CSMD1: variants seen among roughly 807,000 people sequenced by gnomAD.
CSMD1 encodes CUB and sushi domain-containing protein 1.
CSMD1 carries 213 observed loss-of-function variants against 417.5 expected under a neutral mutation model. The observed-to-expected ratio is 0.51, with a 90% CI of 0.46 to 0.57. The LOEUF is 0.57. Among genes scored for constraint, CSMD1 ranks in the 20% least tolerant of loss-of-function variants. The probability of loss-of-function intolerance (pLI) is 0.00; values close to 1 mark genes in which losing one functional copy is unlikely to be tolerated. For missense variants in CSMD1, 6,923 were observed against 4,529.7 expected, an observed-to-expected ratio of 1.53 and a Z score of -15.17; for synonymous variants, 2,862 against 1,736.8, an observed-to-expected ratio of 1.65 and a Z score of -16.11.
At chr8:3,168,697 T>G (rs1243367278) in intron 37 of CSMD1, among the ~76,000 whole-genome samples, 1 of 152,006 alleles carries the variant, frequency 6.6e-6, no homozygotes, top group Non-Finnish European at 1.5e-5. Context: ...CATAGTACCT[T>G]ATGAAAAGAA....
At chr8:4,788,379 T>C (rs1797521040) in intron 1 of CSMD1, 7 of 1,422,428 alleles carry the variant, frequency 4.9e-6, no homozygotes, top group Non-Finnish European at 2.9e-6. Flanking sequence ...CACACCAGAC[T>C]GGGGAGCTCA....
At chr8:4,154,258 C>T (rs947396031) in intron 3 of CSMD1, among the ~76,000 whole-genome samples, 1 of 148,624 alleles carries the variant, frequency 6.7e-6, no homozygotes, top group Admixed American at 6.8e-5. Context: ...TTCTGGCAAA[C>T]AGTAATGCTA....
chr8:3,943,667 G>C (rs1393901841), intron 5 of CSMD1, among the ~76,000 whole-genome samples: 1 of 151,986 alleles, frequency 6.6e-6, no homozygotes, highest in East Asian at 1.9e-4. Flanking sequence ...AGTCAACAGG[G>C]GTCCCCTGCT....
intron 25 of CSMD1, among the ~76,000 whole-genome samples, chr8:3,306,523 G>C (rs1804860350): frequency 6.6e-6 from 1 of 152,178 alleles, no homozygotes; most frequent in South Asian, 2.1e-4. Flanking sequence ...AGCTGAAGCA[G>C]CTGGGCTGAT....
chr8:4,073,666 T>C (rs1799675304), intron 3 of CSMD1, among the ~76,000 whole-genome samples: 1 of 152,166 alleles, frequency 6.6e-6, no homozygotes, highest in African/African-American at 2.4e-5. Context: ...CTCTGAAGTA[T>C]AGTTATATTT....
chr8:3,803,110 A>G (rs1800546890), intron 5 of CSMD1, among the ~76,000 whole-genome samples: 1 of 152,208 alleles, frequency 6.6e-6, no homozygotes. Context: ...TGTTCTCTCC[A>G]TCATGCTGTC....
At chr8:3,463,597 C>G (rs989468883) in intron 12 of CSMD1, among the ~76,000 whole-genome samples, 2 of 152,190 alleles carry the variant, frequency 1.3e-5, no homozygotes, top group African/African-American at 4.8e-5. Context: ...GGCATGAGCT[C>G]ACTTTCTACA....
intron 1 of CSMD1, among the ~76,000 whole-genome samples, chr8:4,803,090 T>C (rs1035332646): frequency 2.6e-5 from 4 of 152,222 alleles, no homozygotes; most frequent in Admixed American, 6.5e-5. Flanking sequence ...AAAAGTACAA[T>C]TGCTTAGTCT....
intron 4 of CSMD1, among the ~76,000 whole-genome samples, chr8:4,024,863 T>C (rs1796981830): frequency 2.0e-5 from 3 of 152,156 alleles, no homozygotes; most frequent in Admixed American, 2.0e-4. Flanking sequence ...ATTGTTTTCT[T>C]AAGTAAGGTT....
intron 3 of CSMD1, among the ~76,000 whole-genome samples, chr8:4,104,952 C>G (rs1340837480): frequency 2.6e-5 from 4 of 151,928 alleles, no homozygotes; most frequent in Admixed American, 2.0e-4. Flanking sequence ...TGCTTGCTCA[C>G]AGCCACTGCC....
At chr8:3,872,074 G>A (rs187455550) in intron 5 of CSMD1, among the ~76,000 whole-genome samples, 2 of 152,304 alleles carry the variant, frequency 1.3e-5, no homozygotes, top group Non-Finnish European at 2.9e-5. Context: ...ACAACCTGCT[G>A]AAAGGCCAAT....
chr8:3,887,065 C>G (rs1806615343), intron 5 of CSMD1, among the ~76,000 whole-genome samples: 1 of 152,212 alleles, frequency 6.6e-6, no homozygotes, highest in Admixed American at 6.5e-5. Context: ...ACCTACACAT[C>G]AAGACACAAT....
intron 7 of CSMD1, among the ~76,000 whole-genome samples, chr8:3,686,149 G>C (rs997850297): frequency 6.6e-6 from 1 of 151,982 alleles, no homozygotes; most frequent in Non-Finnish European, 1.5e-5. Flanking sequence ...GGGACTATTA[G>C]GTAGGTTTCA....
At chr8:3,501,173 T>A (rs915529121) in intron 10 of CSMD1, among the ~76,000 whole-genome samples, 19 of 152,284 alleles carry the variant, frequency 1.2e-4, no homozygotes, top group Admixed American at 1.1e-3. Flanking sequence ...CTGATTCAGT[T>A]AAACCAAAAG....
intron 12 of CSMD1, among the ~76,000 whole-genome samples, chr8:3,467,471 C>T (rs4875230): frequency 0.42 from 63,482 of 152,076 alleles, 13,569 homozygotes; most frequent in East Asian, 0.58. Context: ...AAAATTCAAA[C>T]GTCAGGAGGT....
chr8:3,503,978 G>A (rs950706809), intron 10 of CSMD1, among the ~76,000 whole-genome samples: 2 of 152,064 alleles, frequency 1.3e-5, no homozygotes, highest in African/African-American at 2.4e-5. Flanking sequence ...GTTGATTTTG[G>A]GGTATGAAAG....
chr8:4,912,040 GAAGAAA>G (rs1025833411), intron 1 of CSMD1, among the ~76,000 whole-genome samples: 1 of 122,000 alleles, frequency 8.2e-6, no homozygotes, highest in African/African-American at 3.2e-5. Flanking sequence ...AGGAAAAAAA[GAAGAAA>G]AAGAAAAAGA....
chr8:4,032,734 T>A (rs556479953), intron 3 of CSMD1, among the ~76,000 whole-genome samples: 1 of 152,186 alleles, frequency 6.6e-6, no homozygotes, highest in Non-Finnish European at 1.5e-5. Flanking sequence ...AAAAGCAAGT[T>A]TCAGTGCTAA....
chr8:4,189,102 G>A (rs535609414), intron 3 of CSMD1, among the ~76,000 whole-genome samples: 9 of 152,248 alleles, frequency 5.9e-5, no homozygotes, highest in East Asian at 1.9e-4. Flanking sequence ...TGACATTCAC[G>A]TTTTGGTTTA....
Sources: gnomAD v4.1 joint callset for allele counts (sites outside exome capture counted in the v4.1 genomes callset) on GRCh38, gnomAD v4.1.1 for gene constraint, MANE v1.5 for transcripts, NCBI Gene and HGNC (gene_info 2026-07-23, HGNC 2026-07-21) for gene names.